Variants in CFAP54 observed in about 807,000 individuals in gnomAD.
CFAP54 encodes cilia and flagella associated protein 54, also known as cilia- and flagella-associated protein 54.
A neutral mutation model predicts 370.4 loss-of-function variants in CFAP54; 290 were observed. That is an observed-to-expected ratio of 0.78 (90% CI 0.71 to 0.86). The LOEUF (loss-of-function observed/expected upper bound fraction) is 0.86, where lower values mean the gene tolerates loss of function less well. CFAP54 is among the 40% of genes least tolerant of loss of function. CFAP54 has a pLI of 0.00. For synonymous variants in CFAP54, 1,206 were observed against 1,236.5 expected, an observed-to-expected ratio of 0.98 and a Z score of 0.52; for missense variants, 3,399 against 3,528.7, an observed-to-expected ratio of 0.96 and a Z score of 0.93.
intron 4 of CFAP54, among the ~76,000 whole-genome samples, chr12:96,510,144 T>C (rs1436220481): frequency 1.3e-5 from 2 of 151,204 alleles, no homozygotes; most frequent in African/African-American, 2.4e-5. Flanking sequence ...TCACAGCTAC[T>C]TGGGAGGCTG....
intron 56 of CFAP54, among the ~76,000 whole-genome samples, chr12:96,756,228 A>C (rs1958255739): frequency 6.6e-6 from 1 of 152,162 alleles, no homozygotes; most frequent in African/African-American, 2.4e-5. Flanking sequence ...GTGTAGGGCA[A>C]GCCAAAGAAG....
chr12:96,533,097 CACTTTCAGTT>C (rs1372792837), intron 9 of CFAP54, among the ~76,000 whole-genome samples: 5 of 152,064 alleles, frequency 3.3e-5, no homozygotes, highest in Non-Finnish European at 4.4e-5. Flanking sequence ...ATCCAGGGGT[CACTTTCAGTT>C]ACTTTCAGTT....
intron 63 of CFAP54, among the ~76,000 whole-genome samples, chr12:96,804,454 A>T (rs1325891860): frequency 6.6e-6 from 1 of 152,212 alleles, no homozygotes; most frequent in Non-Finnish European, 1.5e-5. Flanking sequence ...AAAAGAAATC[A>T]GTAGCATTTC....
chr12:96,681,798 C>A (rs947308574), intron 40 of CFAP54, among the ~76,000 whole-genome samples: 7 of 152,046 alleles, frequency 4.6e-5, no homozygotes, highest in Non-Finnish European at 1.5e-5. Context: ...GAGGTTTCAC[C>A]ATGTTGGCCA....
intron 50 of CFAP54, among the ~76,000 whole-genome samples, chr12:96,721,010 ACT>A (rs1034893327): frequency 6.6e-6 from 1 of 150,560 alleles, no homozygotes; most frequent in African/African-American, 2.4e-5. Flanking sequence ...ACAGAGCAAG[ACT>A]CTGTCTCAAA....
chr12:96,721,739 C>T (rs1230183830), intron 50 of CFAP54, among the ~76,000 whole-genome samples: 1 of 151,952 alleles, frequency 6.6e-6, no homozygotes, highest in Non-Finnish European at 1.5e-5. Flanking sequence ...ATCAGTGGCC[C>T]AATACTCATA....
At chr12:96,840,733 G>A (rs902298453) in intron 66 of CFAP54, among the ~76,000 whole-genome samples, 1 of 150,820 alleles carries the variant, frequency 6.6e-6, no homozygotes, top group Non-Finnish European at 1.5e-5. Context: ...CAAGTGAAGA[G>A]TATCCTTTGT....
intron 67 of CFAP54, among the ~76,000 whole-genome samples, chr12:96,874,783 C>T (rs1960263202): frequency 6.6e-6 from 1 of 151,650 alleles, no homozygotes; most frequent in Non-Finnish European, 1.5e-5. Flanking sequence ...GCGCCCGCCA[C>T]TACGCCCGGC....
At chr12:96,828,162 C>G (rs1959149373) in intron 65 of CFAP54, among the ~76,000 whole-genome samples, 1 of 147,614 alleles carries the variant, frequency 6.8e-6, no homozygotes, top group Non-Finnish European at 1.5e-5. Flanking sequence ...TAGTTAATCT[C>G]TGACAATTAT....
At chr12:96,560,373 G>A (rs1201784069) in intron 17 of CFAP54, among the ~76,000 whole-genome samples, 1 of 152,036 alleles carries the variant, frequency 6.6e-6, no homozygotes, top group African/African-American at 2.4e-5. Flanking sequence ...CTGAGAACAT[G>A]CTCTATTATG....
intron 58 of CFAP54, among the ~76,000 whole-genome samples, chr12:96,762,136 T>C (rs1260659292): frequency 2.0e-5 from 3 of 152,226 alleles, no homozygotes; most frequent in Non-Finnish European, 2.9e-5. Context: ...TTTGTCTTTT[T>C]AGTGTATGAG....
At position 96,770,458 on chromosome 12, in the gene CFAP54, C is replaced by T. The variant is rs1392712898; in HGVS notation, c.8281+5240C>T. On this transcript the variant is annotated intron_variant, in intron 60 of 67. Transcript: ENST00000524981. The stretch of plus-strand genomic sequence containing the variant: ...GAGACCCTGTTTATTTAGACAGAGT[C>T]AACAATGTAAAATAAGAAACAACAG... 3.3e-5 allele frequency among the ~76,000 whole-genome samples: 5 copies of T among 152,176 alleles called. No homozygotes were observed. In the East Asian group the frequency reaches 9.7e-4, roughly 29 times the overall value.
rs920710976 is a variant in CFAP54 at position 96,512,342 on chromosome 12, T to A, written c.740-644T>A. Among the ~76,000 whole-genome samples the A allele has an allele frequency of 3.0e-3, 278 of 94,148 alleles. 4 individuals carry two copies. The highest frequency in any genetic ancestry group is 0.01 in the African/African-American group (264 of 25,444). The allele number at this position is 94,148 out of a possible 152,430, so 61.8% of individuals were successfully genotyped here. ...ATATATATATATATATATATATATA[T>A]ATATATATGTATATATTTGAGATGG... On this transcript the variant is annotated intron_variant, in intron 4 of 67. Transcript: ENST00000524981.
chr12:96,599,051 C>T (rs895373739), intron 26 of CFAP54, among the ~76,000 whole-genome samples: 9 of 152,064 alleles, frequency 5.9e-5, no homozygotes, highest in African/African-American at 1.9e-4. Flanking sequence ...GCTACATGTG[C>T]ACAACGTGCA....
chr12:96,664,745 A>G (rs1202940661), intron 39 of CFAP54, among the ~76,000 whole-genome samples: 2 of 20,994 alleles, frequency 9.5e-5, no homozygotes, highest in Non-Finnish European at 1.8e-4. Flanking sequence ...ATATCTATAT[A>G]TATATATATC....
Position 96,504,583 on chromosome 12 carries a change from G to A in CFAP54, c.567+554G>A, listed in dbSNP as rs182255801. ...CAGCCTCATTAAAGTCCTAAGAGGTGCCTCTTTTACAGGTTAGGAAATGGA... is the reference window on the plus strand; with the variant it reads ...CAGCCTCATTAAAGTCCTAAGAGGTACCTCTTTTACAGGTTAGGAAATGGA... On this transcript the variant is annotated intron_variant, in intron 3 of 67. Coordinates refer to ENST00000524981, the MANE Select transcript of CFAP54 (RefSeq NM_001306084.2). Among the ~76,000 whole-genome samples, 598 of 152,270 alleles carry A rather than the reference G, an allele frequency of 3.9e-3. 1 individual carries two copies. The highest frequency in any genetic ancestry group is 6.8e-3 in the Non-Finnish European group (462 of 68,026).
intron 65 of CFAP54, among the ~76,000 whole-genome samples, chr12:96,828,058 TTATTAA>T (rs1056742486): frequency 3.1e-5 from 4 of 128,270 alleles, no homozygotes; most frequent in East Asian, 4.1e-4. Context: ...TATTAATATA[TTATTAA>T]TATATAATTA....
intron 27 of CFAP54, among the ~76,000 whole-genome samples, chr12:96,623,191 G>GTT (rs62857161): frequency 7.6e-4 from 114 of 149,604 alleles, no homozygotes; most frequent in South Asian, 1.7e-3. Context: ...GGGCTTGGAA[G>GTT]TTTTTTTTTT....
chr12:96,787,953 C>T (rs1445070019), intron 62 of CFAP54, among the ~76,000 whole-genome samples: 3 of 150,072 alleles, frequency 2.0e-5, no homozygotes, highest in Non-Finnish European at 4.4e-5. Context: ...CTCTCTGTCG[C>T]CCAGCCTGAA....
Sources: gnomAD v4.1 joint callset for allele counts (sites outside exome capture counted in the v4.1 genomes callset) on GRCh38, gnomAD v4.1.1 for gene constraint, MANE v1.5 for transcripts, NCBI Gene and HGNC (gene_info 2026-07-23, HGNC 2026-07-21) for gene names.